The following MAP4K3 variants were observed in gnomAD, a reference collection of about 807,000 sequenced individuals.
MAP4K3 encodes the protein mitogen-activated protein kinase kinase kinase kinase 3, also known as MAPK/ERK kinase kinase kinase 3.
Under a neutral mutation model 143.5 loss-of-function variants are expected in MAP4K3, and 94 were observed. The ratio of observed to expected loss-of-function variants is 0.65; its 90% confidence interval spans 0.55 to 0.78. The LOEUF (loss-of-function observed/expected upper bound fraction) is 0.78. Ranked by LOEUF, MAP4K3 falls within the 30% of genes least tolerant of loss-of-function variation. The pLI is 0.00. For synonymous variants in MAP4K3, 416 were observed against 347.2 expected (o/e 1.20, Z -2.20); for missense variants, 1,077 against 1,068.1 (o/e 1.01, Z -0.12).
At chr2:39,339,977 T>G (rs1665093721) in intron 4 of MAP4K3, among the ~76,000 whole-genome samples, 1 of 152,066 alleles carries the variant, frequency 6.6e-6, no homozygotes, top group Non-Finnish European at 1.5e-5. Flanking sequence ...GGAAAGTTAT[T>G]AAAGAACAAT....
At chr2:39,393,814 T>A (rs1409825458) in intron 1 of MAP4K3, among the ~76,000 whole-genome samples, 1 of 152,122 alleles carries the variant, frequency 6.6e-6, no homozygotes, top group Non-Finnish European at 1.5e-5. Flanking sequence ...AACCTGTGTA[T>A]ATGAAAAGTC....
intron 13 of MAP4K3, among the ~76,000 whole-genome samples, chr2:39,313,492 TTTCTTTC>T (rs1260691879): frequency 6.6e-6 from 1 of 152,088 alleles, no homozygotes; most frequent in Non-Finnish European, 1.5e-5. Flanking sequence ...TTTCTTTTCT[TTTCTTTC>T]TTCTTTCTCT....
chr2:39,371,551 G>T (rs1323558539), intron 2 of MAP4K3, among the ~76,000 whole-genome samples: 3 of 152,170 alleles, frequency 2.0e-5, no homozygotes. Flanking sequence ...GAGCACTGAT[G>T]TGATGCAAAT....
chr2:39,265,078 C>T, intron 28 of MAP4K3, 125 bp downstream of exon 28: 2 of 710,996 alleles, frequency 2.8e-6, no homozygotes, highest in South Asian at 2.0e-5. Context: ...TTTTTACAAC[C>T]CTGCCACATT....
intron 1 of MAP4K3, among the ~76,000 whole-genome samples, chr2:39,389,622 G>C (rs996106380): frequency 1.3e-5 from 2 of 152,104 alleles, no homozygotes; most frequent in Non-Finnish European, 2.9e-5. Context: ...AAAGACTGTA[G>C]AAAATGCAGT....
At chr2:39,315,681 T>A (rs1683093108) in intron 12 of MAP4K3, among the ~76,000 whole-genome samples, 1 of 152,188 alleles carries the variant, frequency 6.6e-6, no homozygotes, top group Non-Finnish European at 1.5e-5. Flanking sequence ...CTTATTTGTA[T>A]GTGCAACATC....
intron 26 of MAP4K3, 148 bp downstream of exon 26, chr2:39,272,135 C>A: frequency 1.9e-6 from 1 of 516,516 alleles, no homozygotes; most frequent in Non-Finnish European, 3.4e-6. Context: ...AGAGTGTGAT[C>A]ACTAAGCACT....
chr2:39,254,299 G>C (rs752753921), intron 32 of MAP4K3, 151 bp downstream of exon 32: 3 of 579,140 alleles, frequency 5.2e-6, no homozygotes, highest in Non-Finnish European at 9.3e-6. Flanking sequence ...TGGACATAGA[G>C]TATGGGCTAC....
intron 3 of MAP4K3, among the ~76,000 whole-genome samples, chr2:39,355,736 G>C (rs912666969): frequency 7.2e-5 from 11 of 152,000 alleles, no homozygotes; most frequent in Non-Finnish European, 8.8e-5. Context: ...AACAAAGTAA[G>C]AGAAAGGAAA....
At chr2:39,360,275 T>C (rs1467943156) in intron 2 of MAP4K3, among the ~76,000 whole-genome samples, 2 of 152,176 alleles carry the variant, frequency 1.3e-5, no homozygotes, top group Non-Finnish European at 2.9e-5. Flanking sequence ...TCCCAACAGG[T>C]TCCTCATCTC....
At chr2:39,277,175 C>A (rs1558616714) in intron 24 of MAP4K3, among the ~76,000 whole-genome samples, 1 of 152,200 alleles carries the variant, frequency 6.6e-6, no homozygotes, top group Non-Finnish European at 1.5e-5. Flanking sequence ...CATAGTACAC[C>A]AAGCTCTGGT....
chr2:39,322,933 G>A (rs1394386593), intron 12 of MAP4K3, among the ~76,000 whole-genome samples: 2 of 152,102 alleles, frequency 1.3e-5, no homozygotes, highest in Non-Finnish European at 2.9e-5. Context: ...GTCTTCCAGA[G>A]TGCTGGGATT....
chr2:39,277,625 C>T (rs766394353), intron 24 of MAP4K3, among the ~76,000 whole-genome samples: 3 of 151,826 alleles, frequency 2.0e-5, no homozygotes, highest in African/African-American at 4.8e-5. Context: ...AGTGCAATGG[C>T]GTAATCTCGG....
intron 3 of MAP4K3, among the ~76,000 whole-genome samples, chr2:39,347,481 T>G (rs754314352): frequency 6.6e-6 from 1 of 152,168 alleles, no homozygotes; most frequent in South Asian, 2.1e-4. Context: ...GGGGTCTGCT[T>G]AGAATTAACA....
At chr2:39,313,761 C>T (rs111686405) in intron 13 of MAP4K3, among the ~76,000 whole-genome samples, 1,689 of 152,276 alleles carry the variant, frequency 0.011, 18 homozygotes, top group Non-Finnish European at 0.017. Flanking sequence ...GATCCACCCG[C>T]CTCGGCCTCC....
chr2:39,365,314 TA>T (rs1341938368), intron 2 of MAP4K3, among the ~76,000 whole-genome samples: 1 of 152,092 alleles, frequency 6.6e-6, no homozygotes, highest in Non-Finnish European at 1.5e-5. Flanking sequence ...ATTATGATGG[TA>T]ACATCATGGC....
chr2:39,292,833 A>T lies in MAP4K3; in HGVS notation c.1218-7T>A. On this transcript the variant is annotated splice_region_variant and splice_polypyrimidine_tract_variant and intron_variant, in intron 17 of 33. Coordinates refer to ENST00000263881, the MANE Select transcript of MAP4K3 (RefSeq NM_003618.4). Reference sequence around the variant, plus strand: ...TAAATGTGCGACGTGTCCTCTAAATAAAAAGGATAATGTCATTGTTATTAA... The same window carrying T: ...TAAATGTGCGACGTGTCCTCTAAATTAAAAGGATAATGTCATTGTTATTAA... 6.2e-7 allele frequency: 1 copy of T among 1,608,272 alleles called. No individual in the cohort carries two copies. The highest frequency in any genetic ancestry group is 1.7e-4 in the Middle Eastern group (1 of 6,022).
rs1022654725 is a variant in MAP4K3, at chr2:39,261,594, T to C, written c.2137-817A>G. Among the ~76,000 whole-genome samples, 3 of 152,316 alleles carry C rather than the reference T, an allele frequency of 2.0e-5. No homozygotes were observed. In the East Asian group the frequency reaches 5.8e-4, roughly 29 times the overall value. On this transcript the variant is annotated intron_variant, in intron 28 of 33. Coordinates refer to ENST00000263881, the MANE Select transcript of MAP4K3 (RefSeq NM_003618.4). ...CTGCATTATTTATTAATGCTGGAAG[T>C]AGGCATTCCTTAGGACCTTGCAATA... is the stretch of plus-strand genomic sequence containing the variant.
At chr2:39,387,342 T>G (rs2148591311) in intron 1 of MAP4K3, among the ~76,000 whole-genome samples, 1 of 152,360 alleles carries the variant, frequency 6.6e-6, no homozygotes, top group East Asian at 1.9e-4. Flanking sequence ...ATATTTACTA[T>G]GTGGAGTCTT....
Sources: gnomAD v4.1 joint callset for allele counts (sites outside exome capture counted in the v4.1 genomes callset) on GRCh38, gnomAD v4.1.1 for gene constraint, MANE v1.5 for transcripts, NCBI Gene and HGNC (gene_info 2026-07-23, HGNC 2026-07-21) for gene names.